Variants in TMEM126A observed in about 807,000 individuals in gnomAD.
TMEM126A encodes the protein optic atrophy 7.
Under a neutral mutation model 18.3 loss-of-function variants are expected in TMEM126A, and 10 were observed. That is an observed-to-expected ratio of 0.55 (90% CI 0.34 to 0.93). The LOEUF (loss-of-function observed/expected upper bound fraction) is 0.93. TMEM126A is among the 40% of genes least tolerant of loss of function. The pLI is 0.02. For missense variants in TMEM126A, 246 were observed against 230.2 expected, an observed-to-expected ratio of 1.07 and a Z score of -0.44; for synonymous variants, 68 against 78.1, an observed-to-expected ratio of 0.87 and a Z score of 0.68.
In TMEM126A at chr11:85,654,167, G is replaced by T. The variant is rs11556797; in HGVS notation, c.191G>T (p.Arg64Leu). Residue 64 changes from arginine (R) to leucine (L), a missense_variant, in exon 3 of 5, where the codon CGC becomes CTC. Physicochemically the swap from Arg to Leu is moderately radical, Grantham distance 102. Coordinates refer to ENST00000304511, the MANE Select transcript of TMEM126A (RefSeq NM_032273.4). ...FRRILNVTKARIAAGLPMAGI... is the reference protein window; with the variant it reads ...FRRILNVTKALIAAGLPMAGI... ...CGCATCTTGAATGTGACAAAGGCTC[G>T]CATAGCTGCTGGCTTACCAATGGCA... is the stretch of plus-strand genomic sequence containing the variant. The T allele has an allele frequency of 6.2e-7, 1 of 1,614,010 alleles. No homozygotes were observed. The highest frequency in any genetic ancestry group is 8.5e-7 in the Non-Finnish European group (1 of 1,180,030).
chr11:85,649,702 G>T lies in TMEM126A; in HGVS notation c.-7-547G>T, dbSNP rs573169457. 1.1e-4 allele frequency among the ~76,000 whole-genome samples: 17 copies of T among 152,288 alleles called. No homozygotes were observed. In the South Asian group the frequency reaches 1.7e-3, roughly 15 times the overall value. On this transcript the variant is annotated intron_variant, in intron 1 of 4. Transcript: ENST00000304511. ...CAGATTTTGATTTTAGCTAACCTAT[G>T]GGTACCTATTGGTATCTCACTGTGG...
chr11:85,655,454 C>T, intron 3 of TMEM126A, 140 bp from the exon 4 acceptor site: 1 of 682,332 alleles, frequency 1.5e-6, no homozygotes, highest in Non-Finnish European at 2.7e-6. Context: ...GTAATTATAC[C>T]TTTTAACAGG....
chr11:85,655,796 T>G (rs2082533700), intron 4 of TMEM126A, 88 bp downstream of exon 4: 2 of 939,902 alleles, frequency 2.1e-6, no homozygotes, highest in Admixed American at 3.7e-5. Flanking sequence ...TTAAGGCATT[T>G]AGACCAAAGG....
intron 1 of TMEM126A, among the ~76,000 whole-genome samples, chr11:85,648,436 A>G (rs1456975804): frequency 6.6e-6 from 1 of 152,218 alleles, no homozygotes; most frequent in African/African-American, 2.4e-5. Context: ...ATGACATGAG[A>G]TAGGTAACAC....
intron 2 of TMEM126A, among the ~76,000 whole-genome samples, chr11:85,652,078 T>C (rs944632511): frequency 1.3e-5 from 2 of 152,118 alleles, no homozygotes; most frequent in African/African-American, 2.4e-5. Flanking sequence ...GCACGAGAAT[T>C]GTTTGAACCT....
chr11:85,648,440 G>A (rs1197674740), intron 1 of TMEM126A, among the ~76,000 whole-genome samples: 1 of 152,162 alleles, frequency 6.6e-6, no homozygotes, highest in East Asian at 1.9e-4. Context: ...CATGAGATAG[G>A]TAACACAAAA....
intron 2 of TMEM126A, 129 bp from the exon 3 acceptor site, chr11:85,653,934 T>G: frequency 9.2e-7 from 1 of 1,082,768 alleles, no homozygotes; most frequent in East Asian, 2.4e-5. Flanking sequence ...TTTTAAGATT[T>G]TGGTTCTATA....
rs2082541173 is a variant in TMEM126A at position 85,656,457 on chromosome 11, A to G, written c.544A>G (p.Ile182Val). ...TGGGTCTGAACAATATAAACTACTT[A>G]TAAAGGCCCTTCAGTTATCTGAACC... ...YLGSEQYKLL[I>V]KALQLSEPGK... The change falls in exon 5 of 5, where the codon ATA becomes GTA. Residue 182 changes from isoleucine (I) to valine (V), a missense_variant. Ile to Val is a conservative substitution (Grantham distance 29). Coordinates refer to ENST00000304511, the MANE Select transcript of TMEM126A (RefSeq NM_032273.4). The G allele has an allele frequency of 1.9e-6, 3 of 1,613,198 alleles. No individual in the cohort carries two copies. Among genetic ancestry groups the G allele is most frequent in the African/African-American group, 1.3e-5 (1 of 74,888 alleles).
At chr11:85,651,327 C>T (rs141017044) in intron 2 of TMEM126A, among the ~76,000 whole-genome samples, 151 of 152,066 alleles carry the variant, frequency 9.9e-4, no homozygotes, top group African/African-American at 3.4e-3. Context: ...CCATTGTTAC[C>T]GAAGTACTAA....
intron 2 of TMEM126A, among the ~76,000 whole-genome samples, chr11:85,653,767 T>C (rs2082517555): frequency 6.6e-6 from 1 of 152,186 alleles, no homozygotes; most frequent in Non-Finnish European, 1.5e-5. Flanking sequence ...GTTTAAAGAC[T>C]AGTGTAGAAG....
intron 2 of TMEM126A, among the ~76,000 whole-genome samples, chr11:85,651,291 A>G (rs1038120605): frequency 1.2e-4 from 19 of 152,180 alleles, no homozygotes; most frequent in African/African-American, 4.6e-4. Context: ...GCCACAAGAT[A>G]GCCAAGGCTT....
intron 2 of TMEM126A, among the ~76,000 whole-genome samples, chr11:85,652,506 C>A (rs1252079112): frequency 6.6e-6 from 1 of 152,134 alleles, no homozygotes; most frequent in Non-Finnish European, 1.5e-5. Flanking sequence ...CTTTCACGTA[C>A]ATGTTTGTCA....
intron 2 of TMEM126A, 56 bp from the exon 3 acceptor site, chr11:85,654,007 G>A: frequency 6.3e-7 from 1 of 1,590,480 alleles, no homozygotes; most frequent in Non-Finnish European, 8.6e-7. Context: ...TCAAGATCGG[G>A]AAAGCTCACA....
intron 2 of TMEM126A, among the ~76,000 whole-genome samples, chr11:85,650,929 C>T (rs11820071): frequency 0.14 from 21,145 of 151,814 alleles, 1,713 homozygotes; most frequent in East Asian, 0.29. Flanking sequence ...ATTAGCTGGG[C>T]GTGGTGGCAG....
intron 2 of TMEM126A, among the ~76,000 whole-genome samples, chr11:85,651,968 A>G (rs2082504157): frequency 6.6e-6 from 1 of 152,208 alleles, no homozygotes; most frequent in Non-Finnish European, 1.5e-5. Context: ...GTTTAAGACT[A>G]GCCTGGCCAA....
At chr11:85,648,784 T>C (rs530828939) in intron 1 of TMEM126A, among the ~76,000 whole-genome samples, 1 of 152,270 alleles carries the variant, frequency 6.6e-6, no homozygotes, top group African/African-American at 2.4e-5. Context: ...TCTAGAGATA[T>C]GGAATGTCAA....
At chr11:85,651,481 T>G (rs1431695963) in intron 2 of TMEM126A, among the ~76,000 whole-genome samples, 1 of 152,204 alleles carries the variant, frequency 6.6e-6, no homozygotes, top group Admixed American at 6.5e-5. Context: ...AATGGCACAG[T>G]AATCCTGGTG....
intron 2 of TMEM126A, among the ~76,000 whole-genome samples, chr11:85,653,387 T>C (rs1194706865): frequency 6.6e-6 from 1 of 152,198 alleles, no homozygotes; most frequent in African/African-American, 2.4e-5. Flanking sequence ...AAGACTGTAT[T>C]GTAGATGGCA....
chr11:85,655,515 A>C, intron 3 of TMEM126A, 79 bp from the exon 4 acceptor site: 1 of 1,081,208 alleles, frequency 9.2e-7, no homozygotes, highest in Non-Finnish European at 1.4e-6. Flanking sequence ...TGTGATACAC[A>C]AAAGAGGATC....
Sources: gnomAD v4.1 joint callset for allele counts (sites outside exome capture counted in the v4.1 genomes callset) on GRCh38, gnomAD v4.1.1 for gene constraint, MANE v1.5 for transcripts, NCBI Gene and HGNC (gene_info 2026-07-23, HGNC 2026-07-21) for gene names.